CAST: variants seen among roughly 807,000 people sequenced by gnomAD.
CAST encodes calpastatin.
A neutral mutation model predicts 119.6 loss-of-function variants in CAST; 76 were observed. The ratio of observed to expected loss-of-function variants is 0.64; its 90% CI spans 0.53 to 0.77. CAST has a LOEUF of 0.77. CAST is among the 30% of genes least tolerant of loss of function. The probability of loss-of-function intolerance (pLI) is 0.00; values close to 1 mark genes in which losing one functional copy is unlikely to be tolerated. For missense variants in CAST, 953 were observed against 946.5 expected (o/e 1.01, Z -0.09); for synonymous variants, 319 against 331.6 (o/e 0.96, Z 0.41).
intron 1 of CAST, among the ~76,000 whole-genome samples, chr5:96,612,552 C>G (rs917092567): frequency 2.6e-5 from 4 of 152,090 alleles, no homozygotes; most frequent in Non-Finnish European, 5.9e-5. Flanking sequence ...ACGTAACAAA[C>G]CTGCATACAT....
intron 3 of CAST, among the ~76,000 whole-genome samples, chr5:96,713,191 G>A (rs748682587): frequency 6.7e-6 from 1 of 150,372 alleles, no homozygotes; most frequent in Non-Finnish European, 1.5e-5. Context: ...GAGTGCAGTG[G>A]TGCAATCTTG....
chr5:96,150,073 C>T, the CAST span, among the ~76,000 whole-genome samples: 1 of 152,086 alleles, frequency 6.6e-6, no homozygotes, highest in Non-Finnish European at 1.5e-5. Flanking sequence ...GGGCATTCTG[C>T]TGATACATTG....
the CAST span, among the ~76,000 whole-genome samples, chr5:96,517,690 A>G: frequency 6.6e-6 from 1 of 152,224 alleles, no homozygotes; most frequent in East Asian, 1.9e-4. Flanking sequence ...AAACACCTTC[A>G]GGGAGAACCA....
chr5:96,292,919 G>A, the CAST span, among the ~76,000 whole-genome samples: 1 of 152,174 alleles, frequency 6.6e-6, no homozygotes, highest in Non-Finnish European at 1.5e-5. Flanking sequence ...CTGGAGTTTG[G>A]TTTTCTGACG....
At chr5:96,662,868 A>C (rs1254400040) in intron 1 of CAST, 5 of 566,000 alleles carry the variant, frequency 8.8e-6, no homozygotes, top group Admixed American at 3.2e-5. Flanking sequence ...CTTCCGCGCT[A>C]AGGCCGGGCC....
At chr5:96,499,579 G>A in the CAST span, among the ~76,000 whole-genome samples, 1 of 152,146 alleles carries the variant, frequency 6.6e-6, no homozygotes, top group African/African-American at 2.4e-5. Context: ...AGGTGGCTGT[G>A]GCAATTTTTA....
At chr5:96,249,457 A>G in the CAST span, among the ~76,000 whole-genome samples, 1 of 152,218 alleles carries the variant, frequency 6.6e-6, no homozygotes, top group Admixed American at 6.5e-5. Context: ...GGATTGTTGC[A>G]AAGTTATAGA....
chr5:96,522,402 T>G (rs1745532943), upstream of CAST, among the ~76,000 whole-genome samples: 1 of 152,224 alleles, frequency 6.6e-6, no homozygotes, highest in Non-Finnish European at 1.5e-5. Flanking sequence ...CTACACAGTC[T>G]ATACATAAGA....
intron 3 of CAST, among the ~76,000 whole-genome samples, chr5:96,721,394 A>G (rs952345495): frequency 6.6e-5 from 10 of 152,162 alleles, no homozygotes; most frequent in African/African-American, 2.2e-4. Flanking sequence ...GATTTTGTTC[A>G]TGGGCCATAG....
At chr5:96,230,408 C>T in the CAST span, among the ~76,000 whole-genome samples, 4 of 152,044 alleles carry the variant, frequency 2.6e-5, no homozygotes, top group Non-Finnish European at 4.4e-5. Flanking sequence ...CAGAAGCCAC[C>T]GCATAATCCT....
At chr5:96,065,769 G>A in the CAST span, among the ~76,000 whole-genome samples, 1 of 152,110 alleles carries the variant, frequency 6.6e-6, no homozygotes, top group Non-Finnish European at 1.5e-5. Flanking sequence ...GTGCTGAGAT[G>A]ACTCTTAGCT....
At chr5:96,125,505 G>A in the CAST span, among the ~76,000 whole-genome samples, 1 of 152,114 alleles carries the variant, frequency 6.6e-6, no homozygotes, top group Non-Finnish European at 1.5e-5. Flanking sequence ...AAAGGGCTTT[G>A]GAGTTTGCCT....
intron 1 of CAST, among the ~76,000 whole-genome samples, chr5:96,668,211 T>C (rs568214861): frequency 2.2e-4 from 34 of 152,224 alleles, no homozygotes; most frequent in African/African-American, 7.2e-4. Context: ...ATTGCAAATA[T>C]AAGTCATCCT....
At position 96,675,670 on chromosome 5, in the gene CAST, A is replaced by G. The variant is rs1750615477; in HGVS notation, c.138+69A>G. ...ACTGTGAAGTTTGCCTTGAAATATT[A>G]AATAACGATGTAGCAAAGAGCTTCT... On this transcript the variant is annotated intron_variant, in intron 2 of 31. Coordinates refer to ENST00000675179, the MANE Select transcript of CAST (RefSeq NM_001750.7). 9.3e-6 allele frequency: 11 copies of G among 1,180,304 alleles called. No individual in the cohort carries two copies. The South Asian group carries it at 1.5e-4, about 16-fold the overall frequency. The allele number at this position is 1,180,304 out of a possible 1,614,324, so 73.1% of individuals were successfully genotyped here.
the CAST span, among the ~76,000 whole-genome samples, chr5:96,450,678 A>G: frequency 1.3e-5 from 2 of 152,236 alleles, no homozygotes; most frequent in African/African-American, 2.4e-5. Context: ...GAATAATTGC[A>G]AACATTGCTC....
the CAST span, among the ~76,000 whole-genome samples, chr5:96,269,278 T>C: frequency 6.6e-6 from 1 of 152,132 alleles, no homozygotes; most frequent in Non-Finnish European, 1.5e-5. Context: ...ATTATAAATA[T>C]CTATATACCC....
At chr5:96,003,328 G>A in the CAST span, among the ~76,000 whole-genome samples, 1 of 152,070 alleles carries the variant, frequency 6.6e-6, no homozygotes, top group Non-Finnish European at 1.5e-5. Flanking sequence ...CATGAGGTCA[G>A]GAGATCGAGA....
chr5:96,616,906 T>C (rs572643029), intron 1 of CAST, among the ~76,000 whole-genome samples: 1 of 152,226 alleles, frequency 6.6e-6, no homozygotes, highest in Non-Finnish European at 1.5e-5. Context: ...CTCTTTTCTC[T>C]GAGTCCGAAG....
chr5:96,083,934 C>G, the CAST span, among the ~76,000 whole-genome samples: 4 of 152,158 alleles, frequency 2.6e-5, no homozygotes, highest in Non-Finnish European at 4.4e-5. Flanking sequence ...CTGCTGTTAA[C>G]GAGACTTTTG....
Sources: allele counts gnomAD v4.1 joint callset (sites outside exome capture counted in the v4.1 genomes callset), GRCh38; gene constraint gnomAD v4.1.1; transcripts MANE v1.5; gene names NCBI Gene and HGNC (gene_info 2026-07-23, HGNC 2026-07-21).